The following MED12 variants were observed in gnomAD, a reference collection of about 807,000 sequenced individuals.
MED12 encodes mediator complex subunit 12.
MED12 carries 10 observed loss-of-function variants against 177.7 expected under a neutral mutation model. That is an observed-to-expected ratio of 0.06 (90% CI 0.03 to 0.10). MED12 has a LOEUF of 0.10. MED12 is among the 10% of genes least tolerant of loss of function. The pLI is 1.00. For synonymous variants in MED12, 641 were observed against 678.4 expected (o/e 0.94, Z 0.86); for missense variants, 867 against 1,780.8 (o/e 0.49, Z 9.23).
rs2147826952 is a variant in MED12 at position 71,136,579 on chromosome X, C to T, written c.5324C>T (p.Ala1775Val). The T allele has an allele frequency of 8.3e-7, 1 of 1,203,145 alleles. No homozygotes were observed. Residue 1775 changes from alanine (A) to valine (V), a missense_variant, in exon 37 of 45, where the codon GCT (alanine) becomes GTT (valine). Transcript: ENST00000374080. Reference protein sequence around the residue: ...EPPKTDKPGAAPPSTEERKKK... With the variant: ...EPPKTDKPGAVPPSTEERKKK... ...CCCAAAACTGACAAACCGGGGGCTG[C>T]TCCACCCAGTACTGAGGAACGCAAG... is the stretch of plus-strand genomic sequence containing the variant.
Position 71,124,103 on chromosome X carries a change from T to C in MED12, c.1745-56T>C, listed in dbSNP as rs1271010214. 8.9e-6 allele frequency: 9 copies of C among 1,012,071 alleles called. No individual in the cohort carries two copies. The Admixed American group carries it at 1.8e-4, about 20-fold the overall frequency. 83.4% of individuals were successfully genotyped at this position (1,012,071 alleles called of 1,213,427 possible). On this transcript the variant is annotated intron_variant, in intron 12 of 44. Coordinates refer to ENST00000374080, the MANE Select transcript of MED12 (RefSeq NM_005120.3). The stretch of plus-strand genomic sequence containing the variant: ...TTGCCTTAGGTGTGTCCCTCTCTCT[T>C]TTGGCCCACCTTTTTGTGTTCTCCT...
intron 29 of MED12, 49 bp downstream of exon 29, chrX:71,131,670 T>C: frequency 8.7e-7 from 1 of 1,148,674 alleles, no homozygotes; most frequent in Non-Finnish European, 1.2e-6. Context: ...TTCAGCTCCA[T>C]GTGTCAGGGA....
At chrX:71,118,931 G>T in intron 1 of MED12, 78 bp downstream of exon 1, 2 of 931,884 alleles carry the variant, frequency 2.1e-6, no homozygotes, top group Non-Finnish European at 3.0e-6. Flanking sequence ...GGCTGGGAAT[G>T]GGGGGCGGGG....
rs1038082176 is a variant in MED12 at position 71,122,948 on chromosome X, T to C, written c.1485+74T>C. On this transcript the variant is annotated intron_variant, in intron 10 of 44. Transcript: ENST00000374080. Reference sequence around the variant, plus strand: ...AATATGTCTGAGAGGGAAGTCATGGTGAGGCATTGAAAGCAGAGCATATCT... The same window carrying C: ...AATATGTCTGAGAGGGAAGTCATGGCGAGGCATTGAAAGCAGAGCATATCT... 2.6e-6 allele frequency: 3 copies of C among 1,157,266 alleles called. No homozygotes were observed. In the African/African-American group the frequency reaches 5.3e-5, roughly 21 times the overall value.
At chrX:71,128,929 C>G (rs748711840) in intron 24 of MED12, 185 bp from the exon 25 acceptor site, 26 of 562,899 alleles carry the variant, frequency 4.6e-5, no homozygotes, top group Middle Eastern at 4.9e-4. Flanking sequence ...TCTGACCCTT[C>G]AACTGCGTAA....
In MED12 at chrX:71,133,220, G is replaced by T; in HGVS notation, c.4617+8G>T. Reference sequence around the variant, plus strand: ...AAACTGCGGCTCAACCTGGTGAGAAGGCCAGCTGGGGAGAAGAAGGAAGAG... The same window carrying T: ...AAACTGCGGCTCAACCTGGTGAGAATGCCAGCTGGGGAGAAGAAGGAAGAG... On this transcript the variant is annotated splice_region_variant and intron_variant, in intron 33 of 44. Coordinates refer to ENST00000374080, the MANE Select transcript of MED12 (RefSeq NM_005120.3). 8.6e-7 allele frequency: 1 copy of T among 1,157,275 alleles called. No individual in the cohort carries two copies. The highest frequency in any genetic ancestry group is 1.2e-6 in the Non-Finnish European group (1 of 845,995).
chrX:71,125,548 CTT>C, intron 16 of MED12, 53 bp downstream of exon 16: 1 of 1,193,177 alleles, frequency 8.4e-7, no homozygotes, highest in Non-Finnish European at 1.1e-6. Context: ...CCTAGTCAGT[CTT>C]CCCTTCCCCA....
At chrX:71,133,528 T>C (rs1183062479) in intron 33 of MED12, among the ~76,000 whole-genome samples, 1 of 110,331 alleles carries the variant, frequency 9.1e-6, no homozygotes, top group Admixed American at 9.6e-5. Context: ...GAGATGGGGT[T>C]TGACCATGCT....
rs764981858 is a variant in MED12 at position 71,124,783 on chromosome X, C to G, written c.1994C>G (p.Ser665Cys). ...CCTCAGGATCCAGGGCTCTCAGAATCTATGGACATTGACCCTAGTTCCAGT... is the reference window on the plus strand; with the variant it reads ...CCTCAGGATCCAGGGCTCTCAGAATGTATGGACATTGACCCTAGTTCCAGT... ...SKLEDPGLSE[S>C]MDIDPSSSVL... The change falls in exon 14 of 45, where the codon TCT becomes TGT. Residue 665 changes from serine (S) to cysteine (C), a missense_variant. Transcript: ENST00000374080. The G allele has an allele frequency of 1.1e-5, 13 of 1,208,136 alleles. No individual in the cohort carries two copies. The highest frequency in any genetic ancestry group is 2.3e-4 in the Middle Eastern group (1 of 4,373).
At position 71,128,305 on chromosome X, in the gene MED12, C is replaced by T. The variant is rs1266845318; in HGVS notation, c.3219C>T (p.Asp1073=). The part of the protein sequence containing the change: ...VGHHDPDRVN[D]IAILCAELTG... ...TTGTACTTTTCCCTAGGGTGAATGA[C>T]ATCGCAATCCTGTGTGCAGAGCTGA... is the stretch of plus-strand genomic sequence containing the variant. Residue 1073 remains aspartate (D), a synonymous_variant, in exon 23 of 45, where the codon GAC becomes GAT. Coordinates refer to ENST00000374080, the MANE Select transcript of MED12 (RefSeq NM_005120.3). 2.5e-6 allele frequency: 3 copies of T among 1,211,879 alleles called. No homozygotes were observed. Among genetic ancestry groups the T allele is most frequent in the Admixed American group, 4.3e-5 (2 of 46,041 alleles).
chrX:71,134,320 C>T (rs1310533842), intron 33 of MED12, 37 bp from the exon 34 acceptor site: 1 of 826,921 alleles, frequency 1.2e-6, no homozygotes, highest in East Asian at 3.4e-5. Context: ...GGCCTTTGTC[C>T]CTGAGCCATC....
At position 71,122,516 on chromosome X, in the gene MED12, A is replaced by C. The variant is rs754943978; in HGVS notation, c.1257A>C (p.Ala419=). 1.7e-6 allele frequency: 2 copies of C among 1,211,618 alleles called. No homozygotes were observed. Among genetic ancestry groups the C allele is most frequent in the Non-Finnish European group, 2.2e-6 (2 of 895,175 alleles). ...CCTTTTTAACATTGCAGGTCCGTGC[A>C]AAGTTGCGGGAGATCGAGCAGCAGA... ...GNSAFTQQVR[A]KLREIEQQIK... Residue 419 remains alanine, a synonymous_variant, in exon 9 of 45, where the codon GCA becomes GCC. Coordinates refer to ENST00000374080, the MANE Select transcript of MED12 (RefSeq NM_005120.3).
Position 71,125,257 on chromosome X carries a change from G to T in MED12, c.2227-94G>T, listed in dbSNP as rs1188590563. ...AGGATGTGGGTTGGGAAAGGGAAGGGCTTTAGCATGTGGATGCTGAGGGGT... is the reference window on the plus strand; with the variant it reads ...AGGATGTGGGTTGGGAAAGGGAAGGTCTTTAGCATGTGGATGCTGAGGGGT... On this transcript the variant is annotated intron_variant, in intron 15 of 44. Transcript: ENST00000374080. The T allele has an allele frequency of 5.0e-6, 6 of 1,193,712 alleles. No individual in the cohort carries two copies. In the African/African-American group the frequency reaches 8.8e-5, roughly 18 times the overall value.
rs767584131 is a variant in MED12 at position 71,126,501 on chromosome X, G to T, written c.2685+17G>T. ...GCCATTCAGGTGGGGAAGTTGGGGA[G>T]ATGAGGGTGGAGGCAGGAGTTCATG... On this transcript the variant is annotated intron_variant, in intron 19 of 44. Coordinates refer to ENST00000374080, the MANE Select transcript of MED12 (RefSeq NM_005120.3). 10 of 1,211,413 alleles carry T rather than the reference G, an allele frequency of 8.3e-6. No homozygotes were observed. In the Admixed American group the frequency reaches 2.0e-4, roughly 24 times the overall value.
chrX:71,140,903 A>G lies in MED12; in HGVS notation c.6267+46A>G, dbSNP rs766199347. 1.0e-5 allele frequency: 12 copies of G among 1,196,557 alleles called. No homozygotes were observed. In the East Asian group the frequency reaches 3.3e-4, roughly 33 times the overall value. On this transcript the variant is annotated intron_variant, in intron 42 of 44. Coordinates refer to ENST00000374080, the MANE Select transcript of MED12 (RefSeq NM_005120.3). Reference sequence around the variant, plus strand: ...CTGGGACCTGGGAGCCCAGGGAGGAAGAGAGGCACAAGTTCTTCCCACACA... The same window carrying G: ...CTGGGACCTGGGAGCCCAGGGAGGAGGAGAGGCACAAGTTCTTCCCACACA...
chrX:71,118,746 C>G lies in MED12; in HGVS notation c.-9C>G. 1 of 1,205,896 alleles carries G rather than the reference C, an allele frequency of 8.3e-7. No individual in the cohort carries two copies. Among genetic ancestry groups the G allele is most frequent in the Non-Finnish European group, 1.1e-6 (1 of 892,579 alleles). On this transcript the variant is annotated 5_prime_UTR_variant, in exon 1 of 45. Transcript: ENST00000374080. ...CTGCTGGTGCCTCCGGCGCTACGGG[C>G]TGGGCAAGATGGCGGCCTTCGGGAT...
At chrX:71,125,191 T>C (rs1166789951) in intron 15 of MED12, 45 bp downstream of exon 15, 2 of 1,201,044 alleles carry the variant, frequency 1.7e-6, no homozygotes, top group Non-Finnish European at 2.3e-6. Flanking sequence ...TGAACCCAGA[T>C]TGCTGTCAAA....
chrX:71,130,612 A>C (rs1044943237), intron 28 of MED12, among the ~76,000 whole-genome samples: 3 of 112,877 alleles, frequency 2.7e-5, no homozygotes, highest in African/African-American at 9.7e-5. Flanking sequence ...ACATTTCCTC[A>C]TTTAATCTTT....
rs762172777 is a variant in MED12 at position 71,121,740 on chromosome X, C to T, written c.1025C>T (p.Pro342Leu). Residue 342 changes from proline to leucine, a missense_variant, in exon 7 of 45, where the codon CCC (proline) becomes CTC (leucine). Pro to Leu is a moderately conservative substitution (Grantham distance 98). Around this residue, in one of 14 missense-constraint regions of MED12, gnomAD observed 309 missense variants for 556.3 expected, o/e 0.56. Coordinates refer to ENST00000374080, the MANE Select transcript of MED12 (RefSeq NM_005120.3). Reference sequence around the variant, plus strand: ...CCTCAGCCCCCAACTAGCAGCACACCCTCGACTCCCTTTAGTGACCTGCTT... The same window carrying T: ...CCTCAGCCCCCAACTAGCAGCACACTCTCGACTCCCTTTAGTGACCTGCTT... ...PAPQPPTSST[P>L]STPFSDLLMC... 2 of 1,209,493 alleles carry T rather than the reference C, an allele frequency of 1.7e-6. No homozygotes were observed. The highest frequency in any genetic ancestry group is 1.1e-6 in the Non-Finnish European group (1 of 894,975).
Sources: gnomAD v4.1 joint callset for allele counts (sites outside exome capture counted in the v4.1 genomes callset) on GRCh38, gnomAD v4.1.1 for gene constraint, gnomAD v4.1.1 regional missense constraint, MANE v1.5 for transcripts, NCBI Gene and HGNC (gene_info 2026-07-23, HGNC 2026-07-21) for gene names.